Variants in PTPRD observed in about 807,000 individuals in gnomAD.
The protein encoded by PTPRD is receptor-type tyrosine-protein phosphatase delta.
In PTPRD, 34 loss-of-function variants were observed where a neutral mutation model predicts 214.5. The observed-to-expected ratio is 0.16, with a 90% CI of 0.12 to 0.21. The LOEUF is 0.21. Ranked by LOEUF, PTPRD falls within the 10% of genes least tolerant of loss-of-function variation. The probability of loss-of-function intolerance (pLI) is 1.00; values close to 1 mark genes in which losing one functional copy is unlikely to be tolerated. For synonymous variants in PTPRD, 1,128 were observed against 845.7 expected (o/e 1.33, Z -5.79); for missense variants, 2,545 against 2,398.7 (o/e 1.06, Z -1.27).
chr9:10,507,307 A>G (rs1482095752), intron 2 of PTPRD, among the ~76,000 whole-genome samples: 1 of 152,120 alleles, frequency 6.6e-6, no homozygotes, highest in Admixed American at 6.6e-5. Context: ...AGGACACAAA[A>G]CAAATGGAAG....
intron 33 of PTPRD, among the ~76,000 whole-genome samples, chr9:8,454,980 G>A (rs867096001): frequency 2.6e-4 from 39 of 152,188 alleles, no homozygotes; most frequent in African/African-American, 8.9e-4. Context: ...TGTACTCAAT[G>A]GGAATACAGC....
At chr9:9,053,596 A>T (rs147720726) in intron 10 of PTPRD, among the ~76,000 whole-genome samples, 47 of 152,272 alleles carry the variant, frequency 3.1e-4, no homozygotes, top group African/African-American at 1.1e-3. Flanking sequence ...GGACACCTTG[A>T]TTTTTGACTT....
chr9:9,494,154 G>A (rs1257282265), intron 8 of PTPRD, among the ~76,000 whole-genome samples: 1 of 152,172 alleles, frequency 6.6e-6, no homozygotes, highest in Non-Finnish European at 1.5e-5. Flanking sequence ...AATACATGAG[G>A]AGTTGCTTCT....
chr9:9,584,394 CA>C (rs1228340742), intron 7 of PTPRD, among the ~76,000 whole-genome samples: 1 of 110,630 alleles, frequency 9.0e-6, no homozygotes, highest in Non-Finnish European at 2.0e-5. Flanking sequence ...TATGCTACCA[CA>C]AAAGACCTCT....
At chr9:9,196,007 A>G (rs1354811560) in intron 9 of PTPRD, among the ~76,000 whole-genome samples, 1 of 152,202 alleles carries the variant, frequency 6.6e-6, no homozygotes, top group African/African-American at 2.4e-5. Flanking sequence ...AAAAGGCTGT[A>G]CAGTTTGGAG....
chr9:8,572,394 A>G (rs1594192009), intron 14 of PTPRD, among the ~76,000 whole-genome samples: 2 of 152,174 alleles, frequency 1.3e-5, no homozygotes, highest in Admixed American at 6.6e-5. Flanking sequence ...GCATTTTAAC[A>G]TGAGTGCAGT....
chr9:10,386,667 AACAAAACAAAAC>A (rs2097919340), intron 2 of PTPRD, among the ~76,000 whole-genome samples: 2 of 151,716 alleles, frequency 1.3e-5, no homozygotes, highest in Non-Finnish European at 2.9e-5. Flanking sequence ...AAAAAAACAA[AACAAAACAAAAC>A]AAACAAACAA....
intron 10 of PTPRD, among the ~76,000 whole-genome samples, chr9:9,121,250 T>G (rs1449254776): frequency 6.6e-6 from 1 of 152,192 alleles, no homozygotes; most frequent in Non-Finnish European, 1.5e-5. Flanking sequence ...ACAGCTGCTG[T>G]GGAAAACAGT....
intron 9 of PTPRD, among the ~76,000 whole-genome samples, chr9:9,261,185 AG>A (rs2099979957): frequency 6.6e-6 from 1 of 151,998 alleles, no homozygotes; most frequent in East Asian, 2.0e-4. Context: ...CTGTTTTCTT[AG>A]CATGGGAAAT....
At chr9:10,335,479 A>C (rs1042443745) in intron 3 of PTPRD, among the ~76,000 whole-genome samples, 1 of 151,806 alleles carries the variant, frequency 6.6e-6, no homozygotes, top group Non-Finnish European at 1.5e-5. Context: ...TGTAAAAGCC[A>C]AAACTATGAA....
In PTPRD at chr9:8,878,575, C is replaced by T. The variant is rs187956131; in HGVS notation, c.-104+140122G>A. On this transcript the variant is annotated intron_variant, in intron 11 of 45. Coordinates refer to ENST00000381196, the MANE Select transcript of PTPRD (RefSeq NM_002839.4). ...AGAGTCTCACTGTGTAGACTAGCCT[C>T]GAGTGCAGCAGTGTGATCAATAGCT... is the stretch of plus-strand genomic sequence containing the variant. 7.1e-4 allele frequency among the ~76,000 whole-genome samples: 108 copies of T among 151,690 alleles called. 1 individual carries two copies. The highest frequency in any genetic ancestry group is 2.2e-3 in the African/African-American group (93 of 41,348).
chr9:9,297,536 A>T lies in PTPRD; in HGVS notation c.-203+99913T>A, dbSNP rs61294379. On this transcript the variant is annotated intron_variant, in intron 9 of 45. Transcript: ENST00000381196. The stretch of plus-strand genomic sequence containing the variant: ...GTTATTGACTATCTTCCAAAAAGAC[A>T]TATAGATTGGGAACAGGATTATTTC... Among the ~76,000 whole-genome samples, 357 of 151,820 alleles carry T rather than the reference A, an allele frequency of 2.4e-3. 3 individuals are homozygous for T. Among genetic ancestry groups the T allele is most frequent in the African/African-American group, 8.3e-3 (343 of 41,510 alleles).
chr9:8,812,274 A>AAAAG (rs2096824736), intron 11 of PTPRD, among the ~76,000 whole-genome samples: 1 of 152,210 alleles, frequency 6.6e-6, no homozygotes, highest in South Asian at 2.1e-4. Flanking sequence ...ATATATATTT[A>AAAAG]TAGGTCTACA....
chr9:9,191,531 G>A (rs1469386658), intron 9 of PTPRD, among the ~76,000 whole-genome samples: 11 of 152,120 alleles, frequency 7.2e-5, no homozygotes, highest in Non-Finnish European at 1.5e-4. Context: ...AATTTGTAAT[G>A]CAGCAATAGT....
Position 10,238,720 on chromosome 9 carries a change from T to C in PTPRD, c.-545+102243A>G, listed in dbSNP as rs1342371046. Among the ~76,000 whole-genome samples, 3 of 152,054 alleles carry C rather than the reference T, an allele frequency of 2.0e-5. No individual in the cohort carries two copies. In the East Asian group the frequency reaches 5.8e-4, roughly 30 times the overall value. Reference sequence around the variant, plus strand: ...GTAGACAATAATATATAGCAAACTATGTTATGCCTAGAAATAATATTCTCC... The same window carrying C: ...GTAGACAATAATATATAGCAAACTACGTTATGCCTAGAAATAATATTCTCC... On this transcript the variant is annotated intron_variant, in intron 3 of 45. Transcript: ENST00000381196.
chr9:9,972,534 T>C (rs1003690585), intron 4 of PTPRD, among the ~76,000 whole-genome samples: 2 of 152,200 alleles, frequency 1.3e-5, no homozygotes, highest in African/African-American at 4.8e-5. Flanking sequence ...AAAGTCCAGG[T>C]GAATTTGTTT....
chr9:10,162,083 A>G (rs1046973308), intron 3 of PTPRD, among the ~76,000 whole-genome samples: 1 of 151,692 alleles, frequency 6.6e-6, no homozygotes, highest in Non-Finnish European at 1.5e-5. Flanking sequence ...ACCCTTGCAC[A>G]CTATTGGTGC....
chr9:9,405,634 G>C (rs2072994802), intron 8 of PTPRD, among the ~76,000 whole-genome samples: 1 of 152,014 alleles, frequency 6.6e-6, no homozygotes, highest in Non-Finnish European at 1.5e-5. Context: ...TTTGTGCTCT[G>C]TTAGATTATT....
chr9:9,948,579 G>C (rs1371807875), intron 4 of PTPRD, among the ~76,000 whole-genome samples: 1 of 152,024 alleles, frequency 6.6e-6, no homozygotes, highest in Non-Finnish European at 1.5e-5. Flanking sequence ...TTAGTGATTG[G>C]CTTATGTATC....
Sources: allele counts gnomAD v4.1 joint callset (sites outside exome capture counted in the v4.1 genomes callset), GRCh38; gene constraint gnomAD v4.1.1; transcripts MANE v1.5; gene names NCBI Gene and HGNC (gene_info 2026-07-23, HGNC 2026-07-21).